LARGE1: variants seen among roughly 807,000 people sequenced by gnomAD.
LARGE1 encodes the protein LARGE xylosyl- and glucuronyltransferase 1.
LARGE1 carries 43 observed loss-of-function variants against 87.6 expected under a neutral mutation model. The observed-to-expected ratio is 0.49, with a 90% confidence interval of 0.38 to 0.63. The LOEUF (loss-of-function observed/expected upper bound fraction) is 0.63, where lower values mean the gene tolerates loss of function less well. LARGE1 is among the 30% of genes least tolerant of loss of function. LARGE1 has a pLI of 0.00. For missense variants in LARGE1, 802 were observed against 1,000.2 expected (o/e 0.80, Z 2.67); for synonymous variants, 434 against 394.6 (o/e 1.10, Z -1.18).
At chr22:33,764,371 T>G (rs2084832074) in intron 1 of LARGE1, among the ~76,000 whole-genome samples, 1 of 152,082 alleles carries the variant, frequency 6.6e-6, no homozygotes, top group South Asian at 2.1e-4. Flanking sequence ...ATGGCTCAAG[T>G]CCCTCATACA....
At chr22:33,410,426 G>T (rs1243993447) in intron 7 of LARGE1, among the ~76,000 whole-genome samples, 2 of 151,936 alleles carry the variant, frequency 1.3e-5, no homozygotes, top group African/African-American at 2.4e-5. Flanking sequence ...AATCATGGGG[G>T]CGGGGGGCGG....
intron 6 of LARGE1, among the ~76,000 whole-genome samples, chr22:33,441,735 C>T (rs1038270321): frequency 6.6e-6 from 1 of 152,172 alleles, no homozygotes; most frequent in African/African-American, 2.4e-5. Context: ...CTGGCATGCA[C>T]CACCACACCC....
intron 2 of LARGE1, among the ~76,000 whole-genome samples, chr22:33,750,233 G>C (rs891958728): frequency 8.5e-5 from 13 of 152,182 alleles, no homozygotes; most frequent in African/African-American, 2.4e-4. Flanking sequence ...GTGACAAAAT[G>C]GATCATCCGA....
intron 2 of LARGE1, among the ~76,000 whole-genome samples, chr22:33,658,610 A>G (rs1487014943): frequency 6.6e-6 from 1 of 152,162 alleles, no homozygotes; most frequent in Non-Finnish European, 1.5e-5. Flanking sequence ...CATGCAAAGG[A>G]CATTGTCTCA....
chr22:33,645,163 C>T (rs1477596266), intron 3 of LARGE1, among the ~76,000 whole-genome samples: 1 of 152,142 alleles, frequency 6.6e-6, no homozygotes, highest in Non-Finnish European at 1.5e-5. Context: ...AACTATACTA[C>T]AAGGCTACAG....
intron 1 of LARGE1, among the ~76,000 whole-genome samples, chr22:33,818,313 G>T (rs1028668592): frequency 2.0e-5 from 3 of 152,168 alleles, no homozygotes; most frequent in Admixed American, 2.0e-4. Flanking sequence ...TCGCTGCAAG[G>T]AGAACATACA....
chr22:33,262,724 C>T (rs756843157), intron 11 of LARGE1, among the ~76,000 whole-genome samples: 6 of 152,126 alleles, frequency 3.9e-5, no homozygotes, highest in Non-Finnish European at 7.4e-5. Context: ...AGTGGGCTCC[C>T]TCTGCAGACA....
intron 1 of LARGE1, among the ~76,000 whole-genome samples, chr22:33,795,111 T>G (rs2085940059): frequency 6.6e-6 from 1 of 152,190 alleles, no homozygotes; most frequent in South Asian, 2.1e-4. Context: ...TAAAGAGGTT[T>G]GAATTCAGTC....
chr22:33,120,133 TAA>T, the LARGE1 span, among the ~76,000 whole-genome samples: 1 of 152,152 alleles, frequency 6.6e-6, no homozygotes, highest in South Asian at 2.1e-4. Flanking sequence ...TTTATATACC[TAA>T]GAGTAAATAT....
intron 6 of LARGE1, among the ~76,000 whole-genome samples, chr22:33,477,219 CAGG>C (rs1482085165): frequency 6.6e-6 from 1 of 152,174 alleles, no homozygotes; most frequent in East Asian, 1.9e-4. Flanking sequence ...TTAGTTGAAT[CAGG>C]AGATCAAGTG....
intron 6 of LARGE1, among the ~76,000 whole-genome samples, chr22:33,529,216 T>C (rs1412643804): frequency 6.6e-6 from 1 of 152,194 alleles, no homozygotes; most frequent in African/African-American, 2.4e-5. Context: ...CCCTCTCTAA[T>C]CCCTGGCTCA....
At chr22:33,690,012 G>A (rs1014712916) in intron 2 of LARGE1, among the ~76,000 whole-genome samples, 8 of 152,104 alleles carry the variant, frequency 5.3e-5, no homozygotes, top group Admixed American at 5.2e-4. Flanking sequence ...ACATTACAGA[G>A]CTTTCACTCC....
intron 8 of LARGE1, among the ~76,000 whole-genome samples, chr22:33,382,467 G>T (rs559497917): frequency 3.3e-5 from 5 of 152,236 alleles, no homozygotes; most frequent in Admixed American, 1.3e-4. Context: ...CTCATTCAGG[G>T]ACTGAGACAA....
intron 1 of LARGE1, among the ~76,000 whole-genome samples, chr22:33,914,202 C>T (rs1043346597): frequency 6.6e-6 from 1 of 152,188 alleles, no homozygotes; most frequent in African/African-American, 2.4e-5. Context: ...TTTCTAGCAA[C>T]TCACACATTT....
In LARGE1 at chr22:33,920,453, G is replaced by A. The variant is rs2065913542; in HGVS notation, c.-541C>T. 1 of 147,888 alleles carries A rather than the reference G, an allele frequency of 6.8e-6. No homozygotes were observed. The highest frequency in any genetic ancestry group is 1.5e-5 in the Non-Finnish European group (1 of 66,672). The allele number at this position is 147,888 out of a possible 1,614,324, so 9.2% of individuals were successfully genotyped here. A position where few individuals can be genotyped will look rare whatever the true frequency, so the allele number is the denominator to read the frequency against. On this transcript the variant is annotated 5_prime_UTR_variant, in exon 1 of 15. Coordinates refer to ENST00000397394, the MANE Select transcript of LARGE1 (RefSeq NM_133642.5). ...CAGCTTCGGGCGCCCGGGCTCCGGC[G>A]CGGCGGCGGGGCAGGAGCAGACTGG...
the LARGE1 span, among the ~76,000 whole-genome samples, chr22:33,115,815 CAAA>C: frequency 1.0e-5 from 1 of 97,974 alleles, no homozygotes. Flanking sequence ...GACTCTGTCT[CAAA>C]AAAAAAAAAA....
chr22:33,495,090 T>C (rs895361710), intron 6 of LARGE1, among the ~76,000 whole-genome samples: 11 of 151,730 alleles, frequency 7.2e-5, no homozygotes, highest in African/African-American at 2.7e-4. Context: ...TGCCTAACAC[T>C]CTCTTCCCCA....
intron 12 of LARGE1, among the ~76,000 whole-genome samples, chr22:33,294,431 G>A (rs1227115364): frequency 2.0e-5 from 3 of 152,180 alleles, no homozygotes; most frequent in African/African-American, 7.2e-5. Flanking sequence ...AGTTCCCAGG[G>A]ACTCCTATGA....
intron 5 of LARGE1, among the ~76,000 whole-genome samples, chr22:33,595,230 AC>A (rs1299784914): frequency 2.0e-5 from 3 of 152,128 alleles, no homozygotes; most frequent in Non-Finnish European, 1.5e-5. Flanking sequence ...ATGTTTTGAT[AC>A]AGATAAAGCA....
Sources: gnomAD v4.1 joint callset for allele counts (sites outside exome capture counted in the v4.1 genomes callset) on GRCh38, gnomAD v4.1.1 for gene constraint, MANE v1.5 for transcripts, NCBI Gene and HGNC (gene_info 2026-07-23, HGNC 2026-07-21) for gene names.